TP63: variants seen among roughly 807,000 people sequenced by gnomAD.
TP63 encodes tumor protein 63.
TP63 carries 17 observed loss-of-function variants against 82.8 expected under a neutral mutation model. The ratio of observed to expected loss-of-function variants is 0.21; its 90% CI spans 0.14 to 0.31. TP63 has a LOEUF of 0.31. Among genes scored for constraint, TP63 ranks in the 10% least tolerant of loss-of-function variants. The pLI, the probability that TP63 is intolerant of heterozygous loss-of-function variation, is 1.00. For missense variants in TP63, 648 were observed against 895.3 expected, an observed-to-expected ratio of 0.72 and a Z score of 3.52; for synonymous variants, 330 against 321.7, an observed-to-expected ratio of 1.03 and a Z score of -0.28.
intron 4 of TP63, among the ~76,000 whole-genome samples, chr3:189,851,294 C>CA (rs1715593735): frequency 6.6e-6 from 1 of 152,190 alleles, no homozygotes; most frequent in Non-Finnish European, 1.5e-5. Context: ...CGCGGTGGCT[C>CA]ACACTCGTAA....
chr3:189,671,217 G>T (rs547318333), intron 1 of TP63, among the ~76,000 whole-genome samples: 1 of 151,908 alleles, frequency 6.6e-6, no homozygotes, highest in Non-Finnish European at 1.5e-5. Flanking sequence ...TTTTAATAAT[G>T]GGCAAGGGAT....
intron 1 of TP63, among the ~76,000 whole-genome samples, chr3:189,648,028 T>G (rs1255288916): frequency 6.8e-6 from 1 of 147,376 alleles, no homozygotes. Context: ...ACAGTAATGT[T>G]TTTTAAAGAT....
the TP63 span, among the ~76,000 whole-genome samples, chr3:189,613,772 G>T: frequency 6.6e-6 from 1 of 152,200 alleles, no homozygotes; most frequent in Non-Finnish European, 1.5e-5. Context: ...TGGCCTGGAT[G>T]TAAGACCTGG....
intron 1 of TP63, among the ~76,000 whole-genome samples, chr3:189,670,609 A>T (rs1714806592): frequency 6.6e-6 from 1 of 152,074 alleles, no homozygotes; most frequent in South Asian, 2.1e-4. Flanking sequence ...TAAAAACAGG[A>T]CACATAAAAG....
intron 1 of TP63, among the ~76,000 whole-genome samples, chr3:189,710,037 A>T: frequency 6.6e-6 from 1 of 152,194 alleles, no homozygotes; most frequent in African/African-American, 2.4e-5. Context: ...GGGTTGTGTA[A>T]TGTCAAGTAC....
chr3:189,788,277 T>C (rs184486765), intron 3 of TP63, among the ~76,000 whole-genome samples: 1 of 152,000 alleles, frequency 6.6e-6, no homozygotes, highest in African/African-American at 2.4e-5. Context: ...TTTTTGTGTA[T>C]AAAAGAAGGA....
At chr3:189,686,659 A>T (rs1716461633) in intron 1 of TP63, among the ~76,000 whole-genome samples, 1 of 150,602 alleles carries the variant, frequency 6.6e-6, no homozygotes, top group Admixed American at 6.6e-5. Context: ...CAAACTTGCC[A>T]GATAAGGGAA....
chr3:189,638,045 A>G (rs908768921), intron 1 of TP63, among the ~76,000 whole-genome samples: 3 of 152,112 alleles, frequency 2.0e-5, no homozygotes, highest in Non-Finnish European at 2.9e-5. Context: ...CTCCAAAAGC[A>G]ATGAGGTCCT....
chr3:189,830,681 A>C (rs1313008369), intron 4 of TP63, among the ~76,000 whole-genome samples: 1 of 152,228 alleles, frequency 6.6e-6, no homozygotes, highest in Non-Finnish European at 1.5e-5. Flanking sequence ...TAAGGTCTCC[A>C]TTTAGAAATG....
In TP63 at chr3:189,746,443, A is replaced by T. The variant is rs568004794; in HGVS notation, c.324+7669A>T. ...CCTATACCCCAGAAGCAAAGGAAGGATATTTACCGTCAAGAAAACACATAA... is the reference window on the plus strand; with the variant it reads ...CCTATACCCCAGAAGCAAAGGAAGGTTATTTACCGTCAAGAAAACACATAA... On this transcript the variant is annotated intron_variant, in intron 3 of 13. Transcript: ENST00000264731. Among the ~76,000 whole-genome samples the T allele has an allele frequency of 4.6e-5, 7 of 152,186 alleles. No individual in the cohort carries two copies. The South Asian group carries it at 1.2e-3, about 27-fold the overall frequency.
At chr3:189,797,723 C>T (rs1405653135) in intron 3 of TP63, among the ~76,000 whole-genome samples, 2 of 152,056 alleles carry the variant, frequency 1.3e-5, no homozygotes, top group African/African-American at 4.8e-5. Context: ...GGAAGCTCTT[C>T]ATAAGCCTTA....
At chr3:189,825,965 C>CT (rs1708288999) in intron 4 of TP63, among the ~76,000 whole-genome samples, 1 of 152,128 alleles carries the variant, frequency 6.6e-6, no homozygotes, top group African/African-American at 2.4e-5. Flanking sequence ...CCACTTGCTT[C>CT]TTGCTCCTTG....
At chr3:189,845,722 A>G (rs921978663) in intron 4 of TP63, among the ~76,000 whole-genome samples, 2 of 147,162 alleles carry the variant, frequency 1.4e-5, no homozygotes, top group African/African-American at 5.1e-5. Context: ...ATGCTACTCT[A>G]TCTAGTTGCC....
chr3:189,711,778 G>A (rs1031801825), intron 1 of TP63, among the ~76,000 whole-genome samples: 1 of 152,158 alleles, frequency 6.6e-6, no homozygotes, highest in African/African-American at 2.4e-5. Context: ...TGGGTATAAT[G>A]TCTCCAGTTA....
intron 4 of TP63, among the ~76,000 whole-genome samples, chr3:189,811,933 TG>T (rs900209793): frequency 6.6e-6 from 1 of 152,250 alleles, no homozygotes; most frequent in African/African-American, 2.4e-5. Flanking sequence ...AGAAATTTTT[TG>T]TGCCTTATTA....
At chr3:189,695,955 C>T (rs1234516148) in intron 1 of TP63, among the ~76,000 whole-genome samples, 3 of 152,128 alleles carry the variant, frequency 2.0e-5, no homozygotes, top group Non-Finnish European at 4.4e-5. Flanking sequence ...CCTTCCACTT[C>T]TTTAGTGAGG....
intron 3 of TP63, among the ~76,000 whole-genome samples, chr3:189,740,316 A>C (rs955866469): frequency 2.6e-5 from 4 of 152,182 alleles, no homozygotes; most frequent in African/African-American, 9.7e-5. Context: ...AATTTTCATA[A>C]AAATATCATC....
intron 2 of TP63, 45 bp from the exon 3 acceptor site, chr3:189,738,597 G>A (rs1273963455): frequency 1.2e-6 from 2 of 1,613,790 alleles, no homozygotes; most frequent in Admixed American, 3.3e-5. Flanking sequence ...GTATATTTTA[G>A]TCCCTTTCCA....
chr3:189,625,869 G>A, the TP63 span, among the ~76,000 whole-genome samples: 1 of 152,190 alleles, frequency 6.6e-6, no homozygotes, highest in East Asian at 1.9e-4. Flanking sequence ...CACTGGGTGT[G>A]ACTTTGGAGG....
Sources: allele counts gnomAD v4.1 joint callset (sites outside exome capture counted in the v4.1 genomes callset), GRCh38; gene constraint gnomAD v4.1.1; transcripts MANE v1.5; gene names NCBI Gene and HGNC (gene_info 2026-07-23, HGNC 2026-07-21).